The following GALNT13 variants were observed in gnomAD, a reference collection of about 807,000 sequenced individuals.
GALNT13 encodes the protein UDP-GalNAc:polypeptide N-acetylgalactosaminyltransferase 13.
A neutral mutation model predicts 64.2 loss-of-function variants in GALNT13; 28 were observed. The ratio of observed to expected loss-of-function variants is 0.44; its 90% CI spans 0.32 to 0.60. GALNT13 has a LOEUF of 0.60. Ranked by LOEUF, GALNT13 falls within the 20% of genes least tolerant of loss-of-function variation. The pLI, the probability that GALNT13 is intolerant of heterozygous loss-of-function variation, is 0.05. For synonymous variants in GALNT13, 214 were observed against 224.6 expected (o/e 0.95, Z 0.42); for missense variants, 577 against 669.8 (o/e 0.86, Z 1.53).
the GALNT13 span, among the ~76,000 whole-genome samples, chr2:153,379,092 C>T: frequency 1.3e-5 from 2 of 151,970 alleles, no homozygotes; most frequent in Admixed American, 6.6e-5. Context: ...CCCAAGGGGA[C>T]GAGATACTGT....
the GALNT13 span, among the ~76,000 whole-genome samples, chr2:153,740,878 C>T: frequency 2.0e-5 from 3 of 152,082 alleles, no homozygotes; most frequent in African/African-American, 4.8e-5. Flanking sequence ...CCTTTTAGCT[C>T]TCTCCTTTGC....
the GALNT13 span, among the ~76,000 whole-genome samples, chr2:153,213,078 TC>T: frequency 6.6e-6 from 1 of 152,194 alleles, no homozygotes; most frequent in Non-Finnish European, 1.5e-5. Flanking sequence ...CCTACTATGG[TC>T]AAGAACTGTG....
At chr2:153,769,553 CCTTGGTGTGGTTCTT>C in the GALNT13 span, among the ~76,000 whole-genome samples, 1 of 152,216 alleles carries the variant, frequency 6.6e-6, no homozygotes, top group East Asian at 1.9e-4. Context: ...TTATCATATG[CCTTGGTGTGGTTCTT>C]CTTGGATTGT....
chr2:153,540,471 T>A, the GALNT13 span, among the ~76,000 whole-genome samples: 1 of 151,742 alleles, frequency 6.6e-6, no homozygotes, highest in African/African-American at 2.4e-5. Flanking sequence ...CCACACAGAG[T>A]CCCCACTGGG....
At chr2:153,482,016 A>G in the GALNT13 span, among the ~76,000 whole-genome samples, 1 of 152,226 alleles carries the variant, frequency 6.6e-6, no homozygotes, top group African/African-American at 2.4e-5. Context: ...CAGATTCCAT[A>G]GCCAAAACAT....
chr2:154,263,229 G>A (rs1690800583), intron 8 of GALNT13, among the ~76,000 whole-genome samples: 1 of 152,184 alleles, frequency 6.6e-6, no homozygotes, highest in African/African-American at 2.4e-5. Flanking sequence ...CTTACCATCT[G>A]TGTAAGCTTA....
chr2:154,374,470 C>A (rs1697867968), intron 9 of GALNT13, among the ~76,000 whole-genome samples: 1 of 152,036 alleles, frequency 6.6e-6, no homozygotes, highest in South Asian at 2.1e-4. Context: ...AAGCCATTAC[C>A]AGAGATAAGG....
the GALNT13 span, among the ~76,000 whole-genome samples, chr2:153,127,480 C>G: frequency 2.0e-5 from 3 of 152,162 alleles, no homozygotes; most frequent in African/African-American, 4.8e-5. Context: ...CCGCACTTCT[C>G]CCTCCCACCA....
chr2:153,397,305 C>T, the GALNT13 span, among the ~76,000 whole-genome samples: 1 of 152,000 alleles, frequency 6.6e-6, no homozygotes. Flanking sequence ...CATGTTCAAC[C>T]TAAGGAGAGT....
intron 4 of GALNT13, among the ~76,000 whole-genome samples, chr2:154,186,140 A>C (rs538262283): frequency 6.6e-6 from 1 of 152,180 alleles, no homozygotes; most frequent in Non-Finnish European, 1.5e-5. Flanking sequence ...TTTGTTTAAA[A>C]TCTTGAATTT....
the GALNT13 span, among the ~76,000 whole-genome samples, chr2:153,326,175 T>A: frequency 6.6e-6 from 1 of 152,200 alleles, no homozygotes. Flanking sequence ...ACTGGGTGCA[T>A]ATATATTTAG....
chr2:154,434,373 C>T lies in GALNT13; in HGVS notation c.1396-4219C>T, dbSNP rs188264944. 8.5e-3 allele frequency among the ~76,000 whole-genome samples: 1,291 copies of T among 152,286 alleles called. 16 individuals carry two copies. The highest frequency in any genetic ancestry group is 0.03 in the African/African-American group (1,226 of 41,558). ...CTCCCGGGCTCACGCCATTCTCCTG[C>T]CTCAGCCTCCAGAGTAGCTGGAACT... On this transcript the variant is annotated intron_variant, in intron 11 of 12. Coordinates refer to ENST00000392825, the MANE Select transcript of GALNT13 (RefSeq NM_052917.4).
rs560312590 is a variant in GALNT13 at position 154,305,906 on chromosome 2, G to C, written c.1156+4317G>C. On this transcript the variant is annotated intron_variant, in intron 9 of 12. Coordinates refer to ENST00000392825, the MANE Select transcript of GALNT13 (RefSeq NM_052917.4). ...ATTTACAGTGCCTAGCAACTTTCCTGTCATTTTGTTTAAAAAAATTTTGTT... is the reference window on the plus strand; with the variant it reads ...ATTTACAGTGCCTAGCAACTTTCCTCTCATTTTGTTTAAAAAAATTTTGTT... Among the ~76,000 whole-genome samples the C allele has an allele frequency of 3.9e-5, 6 of 152,196 alleles. No homozygotes were observed. In the South Asian group the frequency reaches 1.2e-3, roughly 32 times the overall value.
the GALNT13 span, among the ~76,000 whole-genome samples, chr2:153,505,350 T>A: frequency 6.6e-6 from 1 of 152,160 alleles, no homozygotes; most frequent in Non-Finnish European, 1.5e-5. Context: ...TCTTTTGTAT[T>A]GTTCTTGTTG....
intron 1 of GALNT13, among the ~76,000 whole-genome samples, chr2:153,884,803 A>ATGTG (rs764301374): frequency 0.057 from 7,533 of 132,754 alleles, 482 homozygotes; most frequent in African/African-American, 0.14. Flanking sequence ...GTATATATAT[A>ATGTG]TATGTGTGTG....
intron 3 of GALNT13, among the ~76,000 whole-genome samples, chr2:154,026,347 A>G (rs1286707534): frequency 6.6e-6 from 1 of 152,188 alleles, no homozygotes; most frequent in Non-Finnish European, 1.5e-5. Flanking sequence ...TATGAGGTGT[A>G]GAATATAAGA....
At chr2:154,370,482 G>C (rs1453932607) in intron 9 of GALNT13, among the ~76,000 whole-genome samples, 2 of 152,146 alleles carry the variant, frequency 1.3e-5, no homozygotes, top group African/African-American at 4.8e-5. Flanking sequence ...AATGGGCTAA[G>C]ATATGACATA....
intron 4 of GALNT13, among the ~76,000 whole-genome samples, chr2:154,241,528 T>G (rs1689489382): frequency 6.6e-6 from 1 of 152,176 alleles, no homozygotes; most frequent in Admixed American, 6.5e-5. Flanking sequence ...AATCATTCCT[T>G]GGAAGTAGAC....
chr2:154,021,235 A>G (rs1315439768), intron 3 of GALNT13, among the ~76,000 whole-genome samples: 2 of 152,178 alleles, frequency 1.3e-5, no homozygotes, highest in East Asian at 3.8e-4. Context: ...CAATTCTGTG[A>G]AGAAAGTCAT....
Sources: gnomAD v4.1 joint callset for allele counts (sites outside exome capture counted in the v4.1 genomes callset) on GRCh38, gnomAD v4.1.1 for gene constraint, MANE v1.5 for transcripts, NCBI Gene and HGNC (gene_info 2026-07-23, HGNC 2026-07-21) for gene names.